BLK: variants seen among roughly 807,000 people sequenced by gnomAD.
BLK encodes tyrosine-protein kinase Blk.
A neutral mutation model predicts 61.8 loss-of-function variants in BLK; 64 were observed. The observed-to-expected ratio is 1.03, with a 90% CI of 0.85 to 1.27. The LOEUF (loss-of-function observed/expected upper bound fraction) is 1.27. Ranked by LOEUF, BLK falls within the 50% of genes most tolerant of loss-of-function variation. The probability of loss-of-function intolerance (pLI) is 0.00; values close to 1 mark genes in which losing one functional copy is unlikely to be tolerated. For synonymous variants in BLK, 351 were observed against 272.0 expected (o/e 1.29, Z -2.86); for missense variants, 853 against 660.5 (o/e 1.29, Z -3.19).
At chr8:11,549,553 A>G (rs1245375376) in intron 5 of BLK, among the ~76,000 whole-genome samples, 1 of 152,012 alleles carries the variant, frequency 6.6e-6, no homozygotes, top group East Asian at 1.9e-4. Flanking sequence ...CCCAGCCCCC[A>G]TCTTCTCCCA....
In BLK at chr8:11,539,766, A is replaced by G. The variant is rs12674501; in HGVS notation, c.-1-3458A>G. 2.4e-3 allele frequency among the ~76,000 whole-genome samples: 366 copies of G among 152,378 alleles called. 6 individuals carry two copies. The East Asian group carries it at 0.048, about 20-fold the overall frequency. On this transcript the variant is annotated intron_variant, in intron 1 of 12. Transcript: ENST00000259089. Reference sequence around the variant, plus strand: ...AAGATTCCAGCTCTCACAGAAGATTAATCCTAGAAATGGAGCGTGAAGGAA... The same window carrying G: ...AAGATTCCAGCTCTCACAGAAGATTGATCCTAGAAATGGAGCGTGAAGGAA...
chr8:11,559,590 T>C (rs918630158), intron 10 of BLK, among the ~76,000 whole-genome samples: 2 of 152,116 alleles, frequency 1.3e-5, no homozygotes, highest in Non-Finnish European at 2.9e-5. Flanking sequence ...GGGCTCTTCT[T>C]TTCTTACTCC....
At chr8:11,550,302 C>G in intron 6 of BLK, 40 bp downstream of exon 6, 1 of 1,597,828 alleles carries the variant, frequency 6.3e-7, no homozygotes, top group Non-Finnish European at 8.6e-7. Flanking sequence ...TGCCCTGCTC[C>G]TCCCGGGAAG....
chr8:11,555,516 C>T, intron 8 of BLK, 32 bp downstream of exon 8: 1 of 1,613,708 alleles, frequency 6.2e-7, no homozygotes, highest in South Asian at 1.1e-5. Flanking sequence ...AGCATTTCTC[C>T]CCCCATTCCA....
Position 11,554,483 on chromosome 8 carries a change from C to T in BLK, c.473-260C>T, listed in dbSNP as rs527764768. Among the ~76,000 whole-genome samples, 110 of 152,224 alleles carry T rather than the reference C, an allele frequency of 7.2e-4. 4 individuals are homozygous for T. In the South Asian group the frequency reaches 0.021, roughly 29 times the overall value. On this transcript the variant is annotated intron_variant, in intron 6 of 12. Coordinates refer to ENST00000259089, the MANE Select transcript of BLK (RefSeq NM_001715.3). ...ATTGCTGAGAAACTGTGCTGCCTGC[C>T]GCAGGGCTCTGTGATTCCCTGGCTG...
chr8:11,521,687 AT>A (rs1249366684), intron 1 of BLK, among the ~76,000 whole-genome samples: 1 of 152,140 alleles, frequency 6.6e-6, no homozygotes, highest in African/African-American at 2.4e-5. Context: ...TCTCAGCCTC[AT>A]TTATCGAGTA....
intron 1 of BLK, among the ~76,000 whole-genome samples, chr8:11,512,900 C>G (rs1017846283): frequency 1.3e-5 from 2 of 152,156 alleles, no homozygotes; most frequent in Non-Finnish European, 1.5e-5. Flanking sequence ...CTCCTGACCT[C>G]AAGTGATCTG....
intron 1 of BLK, among the ~76,000 whole-genome samples, chr8:11,526,195 C>T (rs1252933109): frequency 6.6e-6 from 1 of 152,242 alleles, no homozygotes; most frequent in African/African-American, 2.4e-5. Context: ...TGTCTCTTTT[C>T]TTACCTGGCT....
chr8:11,562,943 C>A, intron 11 of BLK, 36 bp from the exon 12 acceptor site: 1 of 1,613,262 alleles, frequency 6.2e-7, no homozygotes, highest in Non-Finnish European at 8.5e-7. Flanking sequence ...GGCCACCGGC[C>A]GTGGCCTCCC....
intron 10 of BLK, chr8:11,560,026 G>T (rs1021858690): frequency 1.4e-5 from 5 of 354,986 alleles, no homozygotes; most frequent in African/African-American, 6.5e-5. Flanking sequence ...GTTAGATGCT[G>T]CCCAGATATA....
chr8:11,563,242 G>A (rs555448343), intron 12 of BLK, 132 bp downstream of exon 12: 1 of 1,353,266 alleles, frequency 7.4e-7, no homozygotes, highest in African/African-American at 1.4e-5. Context: ...CGGAGACCCA[G>A]GCATGGCATC....
intron 1 of BLK, among the ~76,000 whole-genome samples, chr8:11,510,181 C>G (rs1183097477): frequency 6.6e-6 from 1 of 152,148 alleles, no homozygotes; most frequent in African/African-American, 2.4e-5. Flanking sequence ...CAAGGAATTA[C>G]GATGATATGG....
rs760996799 is a variant in BLK, at chr8:11,562,943, C to T, written c.1181-36C>T. 3.2e-5 allele frequency: 51 copies of T among 1,613,144 alleles called. 1 individual carries two copies. Among genetic ancestry groups the T allele is most frequent in the Admixed American group, 2.2e-4 (13 of 59,996 alleles). On this transcript the variant is annotated intron_variant, in intron 11 of 12. Coordinates refer to ENST00000259089, the MANE Select transcript of BLK (RefSeq NM_001715.3). ...AGGATGGAGGGTAGGGGCCACCGGC[C>T]GTGGCCTCCCAAAGCTTGCATGGCT...
intron 2 of BLK, among the ~76,000 whole-genome samples, chr8:11,543,920 A>G (rs2117453096): frequency 6.6e-6 from 1 of 152,308 alleles, no homozygotes; most frequent in Middle Eastern, 3.4e-3. Context: ...ATTTGTTTAT[A>G]AAACACTTAG....
At chr8:11,495,607 C>T (rs1393745308) in intron 1 of BLK, among the ~76,000 whole-genome samples, 1 of 152,068 alleles carries the variant, frequency 6.6e-6, no homozygotes, top group Non-Finnish European at 1.5e-5. Context: ...GGGAAGATTC[C>T]ACAACATATT....
chr8:11,520,224 C>T (rs942044998), intron 1 of BLK, among the ~76,000 whole-genome samples: 1 of 151,870 alleles, frequency 6.6e-6, no homozygotes, highest in Non-Finnish European at 1.5e-5. Context: ...CAAGTGTAAT[C>T]CCAGCACTTT....
chr8:11,535,143 A>C (rs1365185861), intron 1 of BLK, among the ~76,000 whole-genome samples: 1 of 151,684 alleles, frequency 6.6e-6, no homozygotes, highest in Non-Finnish European at 1.5e-5. Flanking sequence ...ACGCCTCTGC[A>C]CTCCAGTCTG....
chr8:11,545,696 T>A (rs1442201696), intron 2 of BLK: 14 of 343,024 alleles, frequency 4.1e-5, no homozygotes, highest in Admixed American at 2.3e-4. Flanking sequence ...ATATGCTTTT[T>A]AAATATTTTT....
intron 5 of BLK, 126 bp from the exon 6 acceptor site, chr8:11,550,033 G>A: frequency 1.2e-6 from 1 of 853,286 alleles, no homozygotes; most frequent in Admixed American, 2.0e-5. Context: ...GCAGCTCAGG[G>A]CCGACTGGGA....
Sources: gnomAD v4.1 joint callset for allele counts (sites outside exome capture counted in the v4.1 genomes callset) on GRCh38, gnomAD v4.1.1 for gene constraint, MANE v1.5 for transcripts, NCBI Gene and HGNC (gene_info 2026-07-23, HGNC 2026-07-21) for gene names.